TMEM165: variants seen among roughly 807,000 people sequenced by gnomAD.
The protein encoded by TMEM165 is putative divalent cation/proton antiporter TMEM165.
In TMEM165, 19 loss-of-function variants were observed where a neutral mutation model predicts 30.0. That is an observed-to-expected ratio of 0.63 (90% CI 0.44 to 0.93). TMEM165 has a LOEUF of 0.93. TMEM165 is among the 40% of genes least tolerant of loss of function. The probability of loss-of-function intolerance (pLI) is 0.00; values close to 1 mark genes in which losing one functional copy is unlikely to be tolerated. For synonymous variants in TMEM165, 168 were observed against 162.9 expected (o/e 1.03, Z -0.24); for missense variants, 340 against 417.0 (o/e 0.82, Z 1.61).
At chr4:55,399,933 T>C (rs1720881280) in intron 1 of TMEM165, among the ~76,000 whole-genome samples, 1 of 151,190 alleles carries the variant, frequency 6.6e-6, no homozygotes, top group East Asian at 1.9e-4. Flanking sequence ...TTCTTGGTGA[T>C]TCATTTTAGT....
chr4:55,450,117 G>A (rs754065025), intron 3 of TMEM165: 2 of 1,614,150 alleles, frequency 1.2e-6, no homozygotes, highest in Non-Finnish European at 1.7e-6. Flanking sequence ...GGCCGTGTGA[G>A]ATGATTTTCT....
At chr4:55,427,273 T>C (rs531151566), downstream of TMEM165, among the ~76,000 whole-genome samples, 94 of 151,136 alleles carry the variant, frequency 6.2e-4, no homozygotes, top group Middle Eastern at 3.5e-3. Flanking sequence ...CCTGACCTTA[T>C]GATCCGCCCA....
At chr4:55,400,476 C>T (rs1189623199) in intron 1 of TMEM165, among the ~76,000 whole-genome samples, 6 of 143,648 alleles carry the variant, frequency 4.2e-5, no homozygotes, top group Non-Finnish European at 9.0e-5. Context: ...CTCACTCTGT[C>T]GCCCAGGCTG....
chr4:55,444,568 T>C, intron 3 of TMEM165: 3 of 1,602,704 alleles, frequency 1.9e-6, no homozygotes, highest in South Asian at 1.1e-5. Flanking sequence ...TTAAGAAAAG[T>C]TAATTTTCCT....
intron 3 of TMEM165, chr4:55,448,915 C>T: frequency 2.2e-6 from 3 of 1,349,732 alleles, no homozygotes; most frequent in Non-Finnish European, 3.2e-6. Context: ...CATTCCCATA[C>T]ATGAGTACTT....
intron 4 of TMEM165, among the ~76,000 whole-genome samples, chr4:55,420,098 G>GGAAAAAAAA (rs1553886879): frequency 2.3e-5 from 1 of 43,756 alleles, no homozygotes. Flanking sequence ...ACTATCTTAA[G>GGAAAAAAAA]AAAAAAAAAT....
intron 1 of TMEM165, among the ~76,000 whole-genome samples, chr4:55,399,570 T>C (rs549213519): frequency 2.0e-5 from 3 of 152,324 alleles, no homozygotes; most frequent in East Asian, 1.9e-4. Flanking sequence ...TTTAGTCATA[T>C]TGGAATTTTT....
Position 55,396,351 on chromosome 4 carries a change from G to C in TMEM165, c.162G>C (p.Gln54His). The change falls in exon 1 of 6, where the codon CAG becomes CAC. Residue 54 changes from glutamine (Q) to histidine (H), a missense_variant. Coordinates refer to ENST00000381334, the MANE Select transcript of TMEM165 (RefSeq NM_018475.5). ...CGCCGGCGCCGGCCCAGCAGCTGCA[G>C]CCGCAGCCTGTGGCTGTGCAGGGCC... ...KEPPAPAQQL[Q>H]PQPVAVQGPE... 1 of 1,512,028 alleles carries C rather than the reference G, an allele frequency of 6.6e-7. No individual in the cohort carries two copies. Among genetic ancestry groups the C allele is most frequent in the Non-Finnish European group, 8.8e-7 (1 of 1,135,286 alleles). The allele number at this position is 1,512,028 out of a possible 1,614,324, so 93.7% of individuals were successfully genotyped here. A position where few individuals can be genotyped will look rare whatever the true frequency, so the allele number is the denominator to read the frequency against.
chr4:55,450,179 T>C (rs773901957), intron 3 of TMEM165: 24 of 1,613,934 alleles, frequency 1.5e-5, no homozygotes, highest in Middle Eastern at 3.3e-4. Flanking sequence ...ACCTTTCCAA[T>C]GCTTCCTTGA....
chr4:55,414,318 T>C (rs1041622045), intron 2 of TMEM165, among the ~76,000 whole-genome samples: 3 of 152,124 alleles, frequency 2.0e-5, no homozygotes, highest in African/African-American at 7.2e-5. Context: ...ACTTGTGTTA[T>C]CAGTTTTATG....
chr4:55,442,391 G>T (rs759301729), intron 3 of TMEM165: 6 of 1,536,696 alleles, frequency 3.9e-6, no homozygotes, highest in Admixed American at 1.7e-5. Context: ...TAATCAATCG[G>T]TTTACAATTT....
At chr4:55,444,913 CT>C in intron 3 of TMEM165, 1 of 952,020 alleles carries the variant, frequency 1.1e-6, no homozygotes, top group Non-Finnish European at 1.6e-6. Flanking sequence ...AGTTATGTCC[CT>C]TAGTTTCTAA....
In TMEM165 at chr4:55,420,120, TACATATA is replaced by T. The variant is rs1721908572; in HGVS notation, c.792+2136_792+2142del. 7.0e-5 allele frequency among the ~76,000 whole-genome samples: 4 copies of T among 56,774 alleles called. 1 individual carries two copies. Among genetic ancestry groups the T allele is most frequent in the African/African-American group, 2.1e-4 (4 of 19,450 alleles). The allele number at this position is 56,774 out of a possible 152,430, so 37.2% of individuals were successfully genotyped here. ...TAAGAAAAAAAAATATATATATATATACATATATATTTATTTATTTATTTATTTTATT... is the reference window on the plus strand; with the variant it reads ...TAAGAAAAAAAAATATATATATATATTATTTATTTATTTATTTATTTTATT... On this transcript the variant is annotated intron_variant, in intron 4 of 5. Transcript: ENST00000381334.
exon 4 of TMEM165, chr4:55,452,937 C>T (rs1451456744): frequency 4.1e-6 from 3 of 738,836 alleles, no homozygotes; most frequent in African/African-American, 1.8e-5. Context: ...AATCACATCC[C>T]CGTTATAAGT....
chr4:55,446,769 G>GATAC (rs1273287978), intron 3 of TMEM165, among the ~76,000 whole-genome samples: 7 of 152,100 alleles, frequency 4.6e-5, no homozygotes, highest in Non-Finnish European at 1.0e-4. Flanking sequence ...TTCAGTATAT[G>GATAC]ATACAGTATA....
At chr4:55,436,157 G>A (rs1322284403) in intron 3 of TMEM165, among the ~76,000 whole-genome samples, 1 of 152,142 alleles carries the variant, frequency 6.6e-6, no homozygotes, top group East Asian at 1.9e-4. Context: ...AGGAATAACA[G>A]TGCCTACCAC....
intron 3 of TMEM165, chr4:55,435,543 C>G: frequency 1.9e-6 from 3 of 1,613,984 alleles, no homozygotes; most frequent in Middle Eastern, 3.3e-4. Context: ...AGAGGAAATG[C>G]AGCAGAGAGA....
rs1415789885 is a variant in TMEM165 at position 55,400,328 on chromosome 4, TATAATATA to T, written c.207+3936_207+3943del. On this transcript the variant is annotated intron_variant, in intron 1 of 5. Transcript: ENST00000381334. ...TATATAATATTAATACTGTATTATA[TATAATATA>T]ATATTAATTATATTATATTAATATA... Among the ~76,000 whole-genome samples, 6 of 77,652 alleles carry T rather than the reference TATAATATA, an allele frequency of 7.7e-5. No homozygotes were observed. The East Asian group carries it at 1.6e-3, about 20-fold the overall frequency. The allele number at this position is 77,652 out of a possible 152,430, so 50.9% of individuals were successfully genotyped here.
At chr4:55,439,344 T>C (rs1363910878) in intron 3 of TMEM165, among the ~76,000 whole-genome samples, 1 of 152,060 alleles carries the variant, frequency 6.6e-6, no homozygotes, top group Non-Finnish European at 1.5e-5. Flanking sequence ...ATGGCTATTA[T>C]AAAAAACAAA....
Sources: allele counts gnomAD v4.1 joint callset (sites outside exome capture counted in the v4.1 genomes callset), GRCh38; gene constraint gnomAD v4.1.1; transcripts MANE v1.5; gene names NCBI Gene and HGNC (gene_info 2026-07-23, HGNC 2026-07-21).